Variants in GBF1 observed in about 807,000 individuals in gnomAD.
GBF1 encodes the protein golgi brefeldin A resistant guanine nucleotide exchange factor 1.
A neutral mutation model predicts 210.5 loss-of-function variants in GBF1; 114 were observed. The ratio of observed to expected loss-of-function variants is 0.54; its 90% CI spans 0.47 to 0.63. The LOEUF (loss-of-function observed/expected upper bound fraction) is 0.63. Ranked by LOEUF, GBF1 falls within the 30% of genes least tolerant of loss-of-function variation. The pLI is 0.00. For missense variants in GBF1, 1,851 were observed against 2,357.7 expected (o/e 0.79, Z 4.45); for synonymous variants, 850 against 889.2 (o/e 0.96, Z 0.78).
At chr10:102,276,991 CAT>C (rs1491221054) in intron 3 of GBF1, among the ~76,000 whole-genome samples, 296 of 151,402 alleles carry the variant, frequency 2.0e-3, no homozygotes, top group African/African-American at 6.5e-3. Context: ...CACACACACA[CAT>C]GCACACACGT....
rs1359104916 is a variant in GBF1, at chr10:102,286,948, G to GA, written c.163+26833dup. On this transcript the variant is annotated intron_variant, in intron 3 of 39. Transcript: ENST00000369983. ...GTAGGATATGTAATATAATTACTGG[G>GA]AGGGGACTGTGTTGGACTCTTCTGA... Among the ~76,000 whole-genome samples the GA allele has an allele frequency of 2.0e-5, 3 of 152,170 alleles. No individual in the cohort carries two copies. The East Asian group carries it at 5.8e-4, about 29-fold the overall frequency.
At chr10:102,261,777 A>G (rs1206510450) in intron 3 of GBF1, among the ~76,000 whole-genome samples, 1 of 151,716 alleles carries the variant, frequency 6.6e-6, no homozygotes, top group Admixed American at 6.6e-5. Flanking sequence ...GTGCACCACC[A>G]CACCCGACTA....
intron 3 of GBF1, among the ~76,000 whole-genome samples, chr10:102,301,462 G>C (rs12355584): frequency 6.6e-6 from 1 of 152,030 alleles, no homozygotes; most frequent in Non-Finnish European, 1.5e-5. Flanking sequence ...AACCGCCATC[G>C]TCATCATGAC....
At chr10:102,310,857 C>A (rs1343118620) in intron 3 of GBF1, among the ~76,000 whole-genome samples, 2 of 152,236 alleles carry the variant, frequency 1.3e-5, no homozygotes, top group African/African-American at 4.8e-5. Flanking sequence ...GCTGATTGAA[C>A]TTGAAAAGCC....
At chr10:102,272,789 T>C (rs769068815) in intron 3 of GBF1, among the ~76,000 whole-genome samples, 2 of 152,206 alleles carry the variant, frequency 1.3e-5, no homozygotes, top group African/African-American at 2.4e-5. Flanking sequence ...GAAGTGAGTG[T>C]TAATAATGAT....
intron 13 of GBF1, 77 bp from the exon 14 acceptor site, chr10:102,361,641 T>G: frequency 1.0e-6 from 1 of 996,926 alleles, no homozygotes; most frequent in South Asian, 1.6e-5. Flanking sequence ...CTGTTTAATG[T>G]TTTTCCTGTC....
intron 3 of GBF1, among the ~76,000 whole-genome samples, chr10:102,300,999 T>C (rs11594914): frequency 6.7e-6 from 1 of 148,922 alleles, no homozygotes; most frequent in African/African-American, 2.4e-5. Flanking sequence ...TTTTAAGTAT[T>C]TATTGATCAT....
chr10:102,246,214 T>C (rs763903458), intron 1 of GBF1, among the ~76,000 whole-genome samples: 4 of 152,340 alleles, frequency 2.6e-5, no homozygotes, highest in Non-Finnish European at 5.9e-5. Flanking sequence ...TCTTTGTGAT[T>C]GCCTCACTAA....
chr10:102,258,458 C>T (rs1480367807), intron 1 of GBF1, among the ~76,000 whole-genome samples: 1 of 147,214 alleles, frequency 6.8e-6, no homozygotes, highest in East Asian at 2.2e-4. Flanking sequence ...ACCTGGCTAA[C>T]AGATTTTATG....
At chr10:102,292,146 C>G (rs796925983) in intron 3 of GBF1, among the ~76,000 whole-genome samples, 1 of 152,068 alleles carries the variant, frequency 6.6e-6, no homozygotes, top group South Asian at 2.1e-4. Context: ...GCCTCGGCCT[C>G]CCAAAGTGCT....
chr10:102,359,567 A>C (rs2059477092), intron 11 of GBF1, 132 bp downstream of exon 11: 1 of 657,148 alleles, frequency 1.5e-6, no homozygotes. Context: ...TTTTCTAGTC[A>C]GGAAATGGAG....
intron 29 of GBF1, among the ~76,000 whole-genome samples, chr10:102,372,516 A>G (rs979999729): frequency 6.6e-6 from 1 of 152,238 alleles, no homozygotes; most frequent in African/African-American, 2.4e-5. Context: ...TCTCAAAAAA[A>G]AGACTTACTG....
intron 4 of GBF1, among the ~76,000 whole-genome samples, chr10:102,347,017 C>A (rs1445294653): frequency 6.6e-6 from 1 of 152,104 alleles, no homozygotes; most frequent in Non-Finnish European, 1.5e-5. Context: ...CTCTAAATTT[C>A]TTCATGGTGT....
intron 3 of GBF1, among the ~76,000 whole-genome samples, chr10:102,301,477 T>C (rs2077343470): frequency 1.3e-5 from 2 of 152,242 alleles, no homozygotes; most frequent in Admixed American, 1.3e-4. Flanking sequence ...CATGACCCGT[T>C]CTCAGTGAGC....
At position 102,351,205 on chromosome 10, in the gene GBF1, T is replaced by C. The variant is rs757489563; in HGVS notation, c.296-51T>C. ...AAAGCTAGACAGGCTGCCTTACCTT[T>C]TATCTCTCTCCTCTCCACATCACTT... is the stretch of plus-strand genomic sequence containing the variant. On this transcript the variant is annotated intron_variant, in intron 4 of 39. Transcript: ENST00000369983. 8.7e-6 allele frequency: 9 copies of C among 1,038,842 alleles called. No homozygotes were observed. In the African/African-American group the frequency reaches 1.4e-4, roughly 16 times the overall value. The allele number at this position is 1,038,842 out of a possible 1,614,324, so 64.4% of individuals were successfully genotyped here.
intron 4 of GBF1, among the ~76,000 whole-genome samples, chr10:102,350,845 AG>A (rs929127294): frequency 6.6e-6 from 1 of 152,042 alleles, no homozygotes; most frequent in African/African-American, 2.4e-5. Context: ...GCACTTTGGG[AG>A]GCCGAGGCAG....
chr10:102,289,122 G>A (rs941570786), intron 3 of GBF1, among the ~76,000 whole-genome samples: 7 of 145,150 alleles, frequency 4.8e-5, no homozygotes, highest in African/African-American at 1.5e-4. Context: ...AAAAAAAAAA[G>A]CCTTAGGAGT....
chr10:102,371,449 C>CTA (rs1488786615), intron 29 of GBF1, among the ~76,000 whole-genome samples: 6 of 152,216 alleles, frequency 3.9e-5, no homozygotes, highest in African/African-American at 1.4e-4. Context: ...AAGAGGCATA[C>CTA]TATGTTCATG....
At chr10:102,244,514 C>T (rs1426099388), upstream of GBF1, among the ~76,000 whole-genome samples, 16 of 152,172 alleles carry the variant, frequency 1.1e-4, no homozygotes, top group Non-Finnish European at 1.6e-4. Context: ...GGGGAGGAGG[C>T]AGCTGGGGGC....
Sources: allele counts gnomAD v4.1 joint callset (sites outside exome capture counted in the v4.1 genomes callset), GRCh38; gene constraint gnomAD v4.1.1; transcripts MANE v1.5; gene names NCBI Gene and HGNC (gene_info 2026-07-23, HGNC 2026-07-21).